IL1RAP: variants seen among roughly 807,000 people sequenced by gnomAD.
IL1RAP encodes the protein interleukin 1 receptor accessory protein.
In IL1RAP, 35 loss-of-function variants were observed where a neutral mutation model predicts 60.7. The observed-to-expected ratio is 0.58, with a 90% CI of 0.44 to 0.76. The LOEUF (loss-of-function observed/expected upper bound fraction) is 0.76. Ranked by LOEUF, IL1RAP falls within the 30% of genes least tolerant of loss-of-function variation. The pLI is 0.00. For synonymous variants in IL1RAP, 268 were observed against 250.9 expected, an observed-to-expected ratio of 1.07 and a Z score of -0.64; for missense variants, 572 against 693.9, an observed-to-expected ratio of 0.82 and a Z score of 1.97.
chr3:190,540,565 T>A (rs1489810993), intron 1 of IL1RAP, among the ~76,000 whole-genome samples: 4 of 152,072 alleles, frequency 2.6e-5, no homozygotes, highest in Non-Finnish European at 4.4e-5. Context: ...AAGAAGTTCA[T>A]TTTGCTCTTT....
chr3:190,562,913 T>C (rs1726036467), intron 2 of IL1RAP, among the ~76,000 whole-genome samples: 1 of 152,158 alleles, frequency 6.6e-6, no homozygotes. Context: ...ATTTAATTTA[T>C]CAGATGAAAC....
intron 3 of IL1RAP, among the ~76,000 whole-genome samples, chr3:190,576,574 T>C (rs1727470479): frequency 6.6e-6 from 1 of 152,124 alleles, no homozygotes; most frequent in South Asian, 2.1e-4. Flanking sequence ...TGGCAGAGAT[T>C]AAAGAACAAT....
intron 1 of IL1RAP, among the ~76,000 whole-genome samples, chr3:190,538,114 A>G (rs919334088): frequency 6.6e-6 from 1 of 152,112 alleles, no homozygotes; most frequent in Non-Finnish European, 1.5e-5. Flanking sequence ...GATCTTCCCC[A>G]TGAACCCTCC....
intron 3 of IL1RAP, among the ~76,000 whole-genome samples, chr3:190,602,011 A>G (rs1476542191): frequency 1.3e-5 from 2 of 152,212 alleles, no homozygotes; most frequent in Non-Finnish European, 2.9e-5. Context: ...TCACAAGGAC[A>G]GCCCAGATTT....
chr3:190,656,006 T>C (rs1347648445), downstream of IL1RAP: 27 of 1,537,238 alleles, frequency 1.8e-5, no homozygotes, highest in Non-Finnish European at 2.4e-5. Context: ...CTGGGTGTCA[T>C]GTGCCAGAAC....
intron 3 of IL1RAP, among the ~76,000 whole-genome samples, chr3:190,596,682 T>C (rs980493430): frequency 6.6e-6 from 1 of 152,164 alleles, no homozygotes. Flanking sequence ...GGACTTCCAC[T>C]GTGGAGTAAA....
Position 190,651,494 on chromosome 3 carries a change from C to A in IL1RAP, c.*2789C>A, listed in dbSNP as rs1734397287. The A allele has an allele frequency of 2.2e-5, 10 of 452,468 alleles. No homozygotes were observed. In the South Asian group the frequency reaches 2.9e-4, roughly 13 times the overall value. 28.0% of individuals were successfully genotyped at this position (452,468 alleles called of 1,614,324 possible). A position where few individuals can be genotyped will look rare whatever the true frequency, so the allele number is the denominator to read the frequency against. ...TAAATTTACTTATGTTAAAAATAAA[C>A]CATTTATTTTCAGCTTTGAATTTTA... On this transcript the variant is annotated 3_prime_UTR_variant, in exon 12 of 12. Transcript: ENST00000447382.
chr3:190,645,897 T>G (rs1210108334), intron 11 of IL1RAP, 55 bp downstream of exon 11: 3 of 1,505,266 alleles, frequency 2.0e-6, no homozygotes, highest in Non-Finnish European at 2.7e-6. Flanking sequence ...GACAGAATCA[T>G]TAGTTTTGCA....
At chr3:190,634,482 G>A (rs577305077) in intron 9 of IL1RAP, among the ~76,000 whole-genome samples, 3 of 151,240 alleles carry the variant, frequency 2.0e-5, no homozygotes, top group African/African-American at 7.3e-5. Flanking sequence ...GTAGAGATTG[G>A]GTTTCACCAA....
intron 9 of IL1RAP, among the ~76,000 whole-genome samples, chr3:190,635,688 T>G (rs1034064142): frequency 3.3e-5 from 5 of 152,212 alleles, no homozygotes; most frequent in African/African-American, 4.8e-5. Context: ...ATATGAAAAT[T>G]CATTTGAATT....
At chr3:190,611,506 A>G (rs1730823198) in intron 5 of IL1RAP, among the ~76,000 whole-genome samples, 1 of 152,220 alleles carries the variant, frequency 6.6e-6, no homozygotes, top group Non-Finnish European at 1.5e-5. Flanking sequence ...AGAAACATAT[A>G]AGACATTTAA....
intron 3 of IL1RAP, among the ~76,000 whole-genome samples, chr3:190,590,242 A>G (rs1728826770): frequency 1.3e-5 from 2 of 151,226 alleles, no homozygotes; most frequent in Admixed American, 1.3e-4. Flanking sequence ...AACTGTGGAC[A>G]GGATTCTTCT....
chr3:190,549,334 T>A (rs1724656554), intron 1 of IL1RAP, among the ~76,000 whole-genome samples: 1 of 152,046 alleles, frequency 6.6e-6, no homozygotes. Flanking sequence ...AAGAAGTACA[T>A]CTAGCTGCCA....
intron 3 of IL1RAP, among the ~76,000 whole-genome samples, chr3:190,593,916 G>A (rs1443969660): frequency 1.3e-5 from 2 of 152,114 alleles, no homozygotes; most frequent in African/African-American, 4.8e-5. Flanking sequence ...CTAGAAAAAT[G>A]TCTAGATATT....
intron 3 of IL1RAP, among the ~76,000 whole-genome samples, chr3:190,584,140 G>C (rs1299673123): frequency 6.6e-6 from 1 of 152,232 alleles, no homozygotes; most frequent in East Asian, 1.9e-4. Flanking sequence ...GAATTGTACT[G>C]GTCTGGCTTC....
At chr3:190,659,352 A>C (rs1734710529) in exon 12 of IL1RAP, 1 of 152,156 alleles carries the variant, frequency 6.6e-6, no homozygotes, top group Non-Finnish European at 1.5e-5. Context: ...AGTGTAGTGG[A>C]AGCAGTAAAA....
At chr3:190,599,521 G>A (rs1335984148) in intron 3 of IL1RAP, among the ~76,000 whole-genome samples, 1 of 150,294 alleles carries the variant, frequency 6.7e-6, no homozygotes, top group Non-Finnish European at 1.5e-5. Flanking sequence ...CTTACTCCTT[G>A]GCAGTTTGCA....
chr3:190,647,175 C>T (rs964253509), intron 11 of IL1RAP, among the ~76,000 whole-genome samples: 1 of 152,158 alleles, frequency 6.6e-6, no homozygotes. Context: ...TCTTGCCATG[C>T]TTGCACATGC....
At position 190,527,136 on chromosome 3, in the gene IL1RAP, A is replaced by G. The variant is rs1722577659; in HGVS notation, c.-89+12917A>G. 2.0e-5 allele frequency among the ~76,000 whole-genome samples: 3 copies of G among 152,186 alleles called. No homozygotes were observed. In the South Asian group the frequency reaches 6.2e-4, roughly 32 times the overall value. Reference sequence around the variant, plus strand: ...TGATCCCAGAGCATTTTGGGTGACAAGGAAAAAACAGCAGAAGACTAAAGT... The same window carrying G: ...TGATCCCAGAGCATTTTGGGTGACAGGGAAAAAACAGCAGAAGACTAAAGT... On this transcript the variant is annotated intron_variant, in intron 1 of 11. Transcript: ENST00000447382.
Sources: allele counts gnomAD v4.1 joint callset (sites outside exome capture counted in the v4.1 genomes callset), GRCh38; gene constraint gnomAD v4.1.1; transcripts MANE v1.5; gene names NCBI Gene and HGNC (gene_info 2026-07-23, HGNC 2026-07-21).